XKR9: variants seen among roughly 807,000 people sequenced by gnomAD.
XKR9 encodes the protein XK-related protein 9.
A neutral mutation model predicts 32.0 loss-of-function variants in XKR9; 32 were observed. The observed-to-expected ratio is 1.00, with a 90% CI of 0.76 to 1.34. The LOEUF (loss-of-function observed/expected upper bound fraction) is 1.34, where lower values mean the gene tolerates loss of function less well. Among genes scored for constraint, XKR9 ranks in the 40% most tolerant of loss-of-function variants. The pLI is 0.00. For synonymous variants in XKR9, 168 were observed against 143.4 expected (o/e 1.17, Z -1.22); for missense variants, 546 against 429.7 (o/e 1.27, Z -2.39).
chr8:70,828,327 C>A, the XKR9 span, among the ~76,000 whole-genome samples: 13 of 152,144 alleles, frequency 8.5e-5, no homozygotes, highest in Non-Finnish European at 1.9e-4. Context: ...CCCATGTAAA[C>A]TTAGATTTTA....
the XKR9 span, among the ~76,000 whole-genome samples, chr8:70,835,681 TA>T: frequency 1.3e-5 from 2 of 152,068 alleles, no homozygotes; most frequent in African/African-American, 4.8e-5. Context: ...ATTCCCTGCT[TA>T]AGTATAGTCT....
chr8:70,904,847 CTG>C, the XKR9 span, among the ~76,000 whole-genome samples: 1 of 152,216 alleles, frequency 6.6e-6, no homozygotes, highest in South Asian at 2.1e-4. Context: ...AGTTATTTGT[CTG>C]TAAAGGATTT....
chr8:70,777,077 A>G (rs954440898), intron 2 of XKR9, among the ~76,000 whole-genome samples: 3 of 151,432 alleles, frequency 2.0e-5, no homozygotes, highest in Admixed American at 2.0e-4. Flanking sequence ...TATTTACATT[A>G]GGTGTTTCTC....
chr8:70,755,460 G>C (rs537199413), intron 2 of XKR9, among the ~76,000 whole-genome samples: 4 of 152,074 alleles, frequency 2.6e-5, no homozygotes, highest in Admixed American at 2.0e-4. Flanking sequence ...ACATGCACAC[G>C]TATGTTTATT....
At chr8:71,021,722 C>T in the XKR9 span, among the ~76,000 whole-genome samples, 1 of 152,102 alleles carries the variant, frequency 6.6e-6, no homozygotes, top group East Asian at 1.9e-4. Context: ...AGGATGGTCT[C>T]GATCTCCTGA....
the XKR9 span, among the ~76,000 whole-genome samples, chr8:70,805,886 C>T: frequency 6.6e-6 from 1 of 152,276 alleles, no homozygotes; most frequent in East Asian, 1.9e-4. Flanking sequence ...AAGCACACCC[C>T]CTCCACCAAG....
the XKR9 span, among the ~76,000 whole-genome samples, chr8:70,923,387 G>A: frequency 1.3e-5 from 2 of 152,140 alleles, no homozygotes; most frequent in East Asian, 3.8e-4. Context: ...AACTAGATAG[G>A]GGTATCAATA....
chr8:70,701,179 G>A (rs879786880), intron 3 of XKR9, among the ~76,000 whole-genome samples: 39 of 152,312 alleles, frequency 2.6e-4, no homozygotes, highest in Admixed American at 2.2e-3. Flanking sequence ...CTCGTGCACA[G>A]TGTGCTGCAC....
At chr8:70,833,927 T>G in the XKR9 span, among the ~76,000 whole-genome samples, 1 of 152,148 alleles carries the variant, frequency 6.6e-6, no homozygotes, top group Non-Finnish European at 1.5e-5. Context: ...TTTATTTAAG[T>G]GAAATAAAAA....
downstream of XKR9, among the ~76,000 whole-genome samples, chr8:70,793,805 CT>C (rs1057209484): frequency 4.7e-5 from 7 of 149,924 alleles, no homozygotes; most frequent in East Asian, 2.0e-4. Flanking sequence ...AACTTTGTCC[CT>C]TTTTTTTTCA....
At chr8:71,036,988 C>G in the XKR9 span, among the ~76,000 whole-genome samples, 398 of 150,748 alleles carry the variant, frequency 2.6e-3, 1 homozygote, top group Admixed American at 4.7e-3. Flanking sequence ...TGCTGGGATT[C>G]TAGGCATGAG....
the XKR9 span, among the ~76,000 whole-genome samples, chr8:70,908,439 A>T: frequency 1.3e-5 from 2 of 152,168 alleles, no homozygotes; most frequent in African/African-American, 2.4e-5. Flanking sequence ...GGGAGTTTTT[A>T]AAAAAATATT....
At chr8:70,850,615 A>T in the XKR9 span, among the ~76,000 whole-genome samples, 1 of 152,160 alleles carries the variant, frequency 6.6e-6, no homozygotes, top group Non-Finnish European at 1.5e-5. Flanking sequence ...TGTCCCTGGG[A>T]TGCAAGGTGG....
chr8:70,901,506 T>A, the XKR9 span, among the ~76,000 whole-genome samples: 1 of 152,076 alleles, frequency 6.6e-6, no homozygotes, highest in Admixed American at 6.6e-5. Context: ...TGAAGGGGTG[T>A]TTGGTTTTTT....
the XKR9 span, among the ~76,000 whole-genome samples, chr8:70,948,195 G>C: frequency 3.0e-4 from 46 of 151,712 alleles, no homozygotes; most frequent in Non-Finnish European, 5.4e-4. Context: ...ACCGTAACAT[G>C]AAGCATTGAA....
At position 70,734,508 on chromosome 8, in the gene XKR9, C is replaced by A. The variant is rs1437575094; in HGVS notation, c.*84C>A. ...TGTGTGTTATGTGGGTGTGTTGTCT[C>A]TTATTTTTGCCACCTTTAATTTGAA... On this transcript the variant is annotated 3_prime_UTR_variant, in exon 5 of 5. Transcript: ENST00000408926. 7.3e-7 allele frequency: 1 copy of A among 1,376,462 alleles called. No homozygotes were observed. Among genetic ancestry groups the A allele is most frequent in the Admixed American group, 3.3e-5 (1 of 30,722 alleles). The allele number at this position is 1,376,462 out of a possible 1,614,324, so 85.3% of individuals were successfully genotyped here.
chr8:70,706,195 G>C (rs1805712817), intron 3 of XKR9, among the ~76,000 whole-genome samples: 1 of 152,062 alleles, frequency 6.6e-6, no homozygotes, highest in African/African-American at 2.4e-5. Context: ...CTTACTGCTA[G>C]CCTCAGATTT....
chr8:70,854,141 C>G, the XKR9 span, among the ~76,000 whole-genome samples: 1 of 152,192 alleles, frequency 6.6e-6, no homozygotes, highest in East Asian at 1.9e-4. Flanking sequence ...ACAGTCCCAG[C>G]AACAGTGTAA....
chr8:70,919,925 T>C, the XKR9 span, among the ~76,000 whole-genome samples: 2 of 152,208 alleles, frequency 1.3e-5, no homozygotes, highest in Non-Finnish European at 1.5e-5. Flanking sequence ...GTGGGTAAAA[T>C]TGTACACAGA....
Sources: gnomAD v4.1 joint callset for allele counts (sites outside exome capture counted in the v4.1 genomes callset) on GRCh38, gnomAD v4.1.1 for gene constraint, MANE v1.5 for transcripts, NCBI Gene and HGNC (gene_info 2026-07-23, HGNC 2026-07-21) for gene names.